EHD4: variants seen among roughly 807,000 people sequenced by gnomAD.
EHD4 encodes the protein EH domain-containing protein 4.
EHD4 carries 37 observed loss-of-function variants against 51.0 expected under a neutral mutation model. The ratio of observed to expected loss-of-function variants is 0.73; its 90% CI spans 0.56 to 0.95. EHD4 has a LOEUF of 0.95. Ranked by LOEUF, EHD4 falls within the 40% of genes least tolerant of loss-of-function variation. The probability of loss-of-function intolerance (pLI) is 0.00; values close to 1 mark genes in which losing one functional copy is unlikely to be tolerated. For synonymous variants in EHD4, 297 were observed against 317.3 expected (o/e 0.94, Z 0.68); for missense variants, 632 against 733.1 (o/e 0.86, Z 1.59).
At chr15:41,952,440 T>C (rs1387381703) in intron 2 of EHD4, among the ~76,000 whole-genome samples, 3 of 151,562 alleles carry the variant, frequency 2.0e-5, no homozygotes, top group Non-Finnish European at 4.4e-5. Context: ...GGGAGAGGGA[T>C]GATAGGAAAC....
chr15:41,972,406 G>A lies in EHD4; in HGVS notation c.89C>T (p.Ser30Leu), dbSNP rs2068004546. The stretch of plus-strand genomic sequence containing the variant: ...CGGCAGCACCTTGCGCAGGTAGAGC[G>A]AGCGCAGCCCGCCCGTCACCGTCTG... ...AVQTVTGGLR[S>L]LYLRKVLPLE... The change falls in exon 1 of 6, where the codon TCG becomes TTG. Residue 30 changes from serine (S) to leucine (L), a missense_variant. Physicochemically the swap from Ser to Leu is moderately radical, Grantham distance 145. Coordinates refer to ENST00000220325, the MANE Select transcript of EHD4 (RefSeq NM_139265.4). The A allele has an allele frequency of 5.6e-6, 9 of 1,609,814 alleles. No individual in the cohort carries two copies. The highest frequency in any genetic ancestry group is 1.3e-5 in the African/African-American group (1 of 74,506).
At chr15:41,956,248 G>C (rs777532623) in intron 1 of EHD4, among the ~76,000 whole-genome samples, 1 of 152,198 alleles carries the variant, frequency 6.6e-6, no homozygotes, top group Non-Finnish European at 1.5e-5. Context: ...GGAAGAGCTC[G>C]GTGTGGAGCT....
At position 41,900,901 on chromosome 15, in the gene EHD4, G is replaced by A; in HGVS notation, c.1370C>T (p.Thr457Ile). 2 of 1,614,196 alleles carry A rather than the reference G, an allele frequency of 1.2e-6. No homozygotes were observed. Among genetic ancestry groups the A allele is most frequent in the Non-Finnish European group, 1.7e-6 (2 of 1,180,042 alleles). ...TATCTTGCCATTGATGGGCGACAGA[G>A]TGTAGAAGAGCTCGTCGTAGACGGG... ...DKPVYDELFY[T>I]LSPINGKISG... is the part of the protein sequence containing the mutation. Residue 457 changes from threonine to isoleucine, a missense_variant, in exon 6 of 6, where the codon ACT becomes ATT. Thr to Ile is a moderately conservative substitution (Grantham distance 89). Transcript: ENST00000220325. The surrounding 1 kb of genome is among the most constrained non-coding windows in gnomAD (Gnocchi z 4.8).
intron 1 of EHD4, among the ~76,000 whole-genome samples, chr15:41,966,418 G>C (rs978197937): frequency 4.6e-5 from 7 of 152,190 alleles, no homozygotes; most frequent in Non-Finnish European, 7.3e-5. Context: ...CTTGGTAGCA[G>C]CATCCTCAGG....
At chr15:41,970,481 A>C (rs1458539052) in intron 1 of EHD4, among the ~76,000 whole-genome samples, 6 of 152,250 alleles carry the variant, frequency 3.9e-5, no homozygotes, top group African/African-American at 1.4e-4. Context: ...AATTTCTCCA[A>C]ATAATGAAAC....
At chr15:41,910,725 CG>C (rs2067544353) in intron 4 of EHD4, among the ~76,000 whole-genome samples, 1 of 152,096 alleles carries the variant, frequency 6.6e-6, no homozygotes, top group African/African-American at 2.4e-5. Flanking sequence ...TGCACCACCA[CG>C]CCTGGCTAAT....
intron 3 of EHD4, among the ~76,000 whole-genome samples, chr15:41,924,855 G>A (rs1305466563): frequency 7.9e-5 from 12 of 151,942 alleles, no homozygotes; most frequent in African/African-American, 2.7e-4. Context: ...TCAGGAGTTC[G>A]AGACCAGCCT....
intron 4 of EHD4, among the ~76,000 whole-genome samples, chr15:41,913,891 GAAATCAAATGGATCA>G (rs2067565711): frequency 6.6e-6 from 1 of 152,154 alleles, no homozygotes; most frequent in Admixed American, 6.6e-5. Flanking sequence ...ATGACTGGGG[GAAATCAAATGGATCA>G]AAATGACAAA....
intron 1 of EHD4, among the ~76,000 whole-genome samples, chr15:41,966,742 T>G (rs910947527): frequency 8.5e-5 from 13 of 152,168 alleles, no homozygotes; most frequent in Admixed American, 8.5e-4. Flanking sequence ...TCTGATGGGT[T>G]TCAGGAAAAC....
Position 41,909,302 on chromosome 15 carries a change from T to C in EHD4, c.1089+397A>G, listed in dbSNP as rs1482241626. 1.3e-5 allele frequency among the ~76,000 whole-genome samples: 2 copies of C among 152,184 alleles called. 1 individual carries two copies. The highest frequency in any genetic ancestry group is 3.9e-4 in the East Asian group (2 of 5,186). On this transcript the variant is annotated intron_variant, in intron 5 of 5. Coordinates refer to ENST00000220325, the MANE Select transcript of EHD4 (RefSeq NM_139265.4). The stretch of plus-strand genomic sequence containing the variant: ...GCAGCAGCAAGGCTGCCTGAGCACA[T>C]AATCCCACGGCGTGAGGCAGGTCAG...
chr15:41,969,743 A>G (rs901509711), intron 1 of EHD4, among the ~76,000 whole-genome samples: 3 of 152,150 alleles, frequency 2.0e-5, no homozygotes, highest in Non-Finnish European at 2.9e-5. Flanking sequence ...CTAAGATGAC[A>G]TGGTCACTTT....
intron 3 of EHD4, among the ~76,000 whole-genome samples, chr15:41,937,667 C>T (rs1333937324): frequency 6.6e-6 from 1 of 152,240 alleles, no homozygotes; most frequent in African/African-American, 2.4e-5. Flanking sequence ...ATCTGGACAT[C>T]TCTAAGTGTT....
chr15:41,906,807 T>G (rs894007502), intron 5 of EHD4, among the ~76,000 whole-genome samples: 4 of 152,260 alleles, frequency 2.6e-5, no homozygotes, highest in Non-Finnish European at 5.9e-5. Flanking sequence ...GCACAGAGCC[T>G]GCTCCTATGT....
At position 41,936,080 on chromosome 15, in the gene EHD4, C is replaced by CT. The variant is rs761923969; in HGVS notation, c.511+6986dup. ...CATTCGGCTTTCCACAGAATGAACA[C>CT]TTGTAGAGATTTAGGTGGAACCTGC... On this transcript the variant is annotated intron_variant, in intron 3 of 5. Transcript: ENST00000220325. 4.6e-5 allele frequency among the ~76,000 whole-genome samples: 7 copies of CT among 152,314 alleles called. No homozygotes were observed. In the East Asian group the frequency reaches 7.7e-4, roughly 17 times the overall value.
intron 3 of EHD4, chr15:41,921,660 C>T (rs1266608322): frequency 6.6e-6 from 1 of 152,224 alleles, no homozygotes; most frequent in Non-Finnish European, 1.5e-5. Flanking sequence ...ACCACTCTCC[C>T]ACGTGGTCTT....
At chr15:41,931,125 A>AT (rs886811721) in intron 3 of EHD4, among the ~76,000 whole-genome samples, 19 of 152,186 alleles carry the variant, frequency 1.2e-4, no homozygotes, top group Non-Finnish European at 2.2e-4. Context: ...ACATCTGCAC[A>AT]TTTTTTGGAT....
chr15:41,914,522 T>C (rs2067570501), intron 4 of EHD4, among the ~76,000 whole-genome samples: 1 of 152,130 alleles, frequency 6.6e-6, no homozygotes, highest in Non-Finnish European at 1.5e-5. Flanking sequence ...GCACGTGTAA[T>C]TCCGTGCAGC....
At chr15:41,910,583 T>TA (rs2067543160) in intron 4 of EHD4, among the ~76,000 whole-genome samples, 1 of 151,984 alleles carries the variant, frequency 6.6e-6, no homozygotes, top group African/African-American at 2.4e-5. Flanking sequence ...TATATATATA[T>TA]TTTTGAGATG....
At chr15:41,964,144 C>CAA (rs755699829) in intron 1 of EHD4, among the ~76,000 whole-genome samples, 308 of 25,898 alleles carry the variant, frequency 0.012, no homozygotes, top group Middle Eastern at 0.048. Context: ...GACTCCATCT[C>CAA]AAAAAAAAAA....
Sources: gnomAD v4.1 joint callset for allele counts (sites outside exome capture counted in the v4.1 genomes callset) on GRCh38, gnomAD v4.1.1 for gene constraint, Gnocchi (gnomAD v3.1) non-coding constraint, MANE v1.5 for transcripts, NCBI Gene and HGNC (gene_info 2026-07-23, HGNC 2026-07-21) for gene names.